The following FGD3 variants were observed in gnomAD, a reference collection of about 807,000 sequenced individuals.
The protein encoded by FGD3 is FYVE, RhoGEF and PH domain containing 3, also known as FYVE, RhoGEF and PH domain-containing protein 3.
A neutral mutation model predicts 71.8 loss-of-function variants in FGD3; 45 were observed. The observed-to-expected ratio is 0.63, with a 90% CI of 0.49 to 0.80. The LOEUF is 0.80. FGD3 is among the 30% of genes least tolerant of loss of function. The pLI is 0.00. For synonymous variants in FGD3, 378 were observed against 392.8 expected (o/e 0.96, Z 0.44); for missense variants, 844 against 951.5 (o/e 0.89, Z 1.49).
chr9:93,024,401 C>T (rs1284080125), intron 14 of FGD3, among the ~76,000 whole-genome samples: 1 of 152,228 alleles, frequency 6.6e-6, no homozygotes, highest in Non-Finnish European at 1.5e-5. Flanking sequence ...ATGGTGATGC[C>T]CTGGCACAGA....
chr9:92,981,083 T>C (rs1449384526), intron 3 of FGD3, among the ~76,000 whole-genome samples: 1 of 151,590 alleles, frequency 6.6e-6, no homozygotes, highest in African/African-American at 2.4e-5. Context: ...AAAAAGATGG[T>C]TTGGGCCAGG....
intron 1 of FGD3, among the ~76,000 whole-genome samples, chr9:92,958,067 C>T (rs186109249): frequency 0.016 from 2,435 of 151,194 alleles, 59 homozygotes; most frequent in African/African-American, 0.054. Context: ...GGCATGATCT[C>T]GGCTCACTGC....
intron 3 of FGD3, among the ~76,000 whole-genome samples, chr9:93,002,240 C>A (rs1425069069): frequency 1.3e-5 from 2 of 152,172 alleles, no homozygotes; most frequent in Non-Finnish European, 2.9e-5. Context: ...TGCTGCTTTG[C>A]ATTTGGGGTC....
chr9:92,952,095 C>T (rs180726863), intron 1 of FGD3, among the ~76,000 whole-genome samples: 1 of 152,188 alleles, frequency 6.6e-6, no homozygotes, highest in East Asian at 1.9e-4. Flanking sequence ...CCATTAGAGA[C>T]CACACTTGAC....
chr9:93,025,500 C>T (rs1862083586), intron 14 of FGD3, among the ~76,000 whole-genome samples: 2 of 151,536 alleles, frequency 1.3e-5, no homozygotes, highest in Non-Finnish European at 2.9e-5. Context: ...TGGAGGTGAG[C>T]TCAGTGTGCG....
chr9:93,025,896 C>T (rs74338905), intron 14 of FGD3, among the ~76,000 whole-genome samples: 3,770 of 152,314 alleles, frequency 0.025, 146 homozygotes, highest in African/African-American at 0.084. Context: ...GACGAGGCCA[C>T]GCCCTGTGTC....
intron 1 of FGD3, among the ~76,000 whole-genome samples, chr9:92,963,356 G>A (rs1859209682): frequency 6.6e-6 from 1 of 152,186 alleles, no homozygotes; most frequent in Non-Finnish European, 1.5e-5. Flanking sequence ...CTGGAGTGCA[G>A]TGGCGCAATC....
At chr9:92,949,908 A>C (rs535210968) in intron 1 of FGD3, among the ~76,000 whole-genome samples, 1 of 152,072 alleles carries the variant, frequency 6.6e-6, no homozygotes, top group East Asian at 1.9e-4. Context: ...TAACCAACCA[A>C]CTAACCAACA....
intron 1 of FGD3, among the ~76,000 whole-genome samples, chr9:92,971,571 T>C (rs866791492): frequency 9.3e-5 from 11 of 117,690 alleles, no homozygotes; most frequent in Non-Finnish European, 1.2e-4. Flanking sequence ...CTTTTCTTTT[T>C]TTTTTTTTTT....
chr9:92,977,450 GTCAGGCTTGCTGGC>G (rs1328576378), intron 3 of FGD3, among the ~76,000 whole-genome samples: 2 of 152,122 alleles, frequency 1.3e-5, no homozygotes, highest in African/African-American at 4.8e-5. Context: ...CGCTTTGCGG[GTCAGGCTTGCTGGC>G]TCCTAGGTGG....
Position 93,030,005 on chromosome 9 carries a change from C to G in FGD3, c.1680+9C>G. On this transcript the variant is annotated intron_variant, in intron 15 of 17. Transcript: ENST00000375482. ...GCAAGCTGTGTGGGGCGGTGAGTCC[C>G]GGGAGAGGGGGACAGGGACAGGAGG... 2 of 1,610,404 alleles carry G rather than the reference C, an allele frequency of 1.2e-6. No individual in the cohort carries two copies. The highest frequency in any genetic ancestry group is 1.7e-6 in the Non-Finnish European group (2 of 1,178,182).
rs1390487912 is a variant in FGD3 at position 93,034,524 on chromosome 9, T to C, written c.1786-17T>C. 5 of 1,603,172 alleles carry C rather than the reference T, an allele frequency of 3.1e-6. No individual in the cohort carries two copies. Among genetic ancestry groups the C allele is most frequent in the Non-Finnish European group, 4.3e-6 (5 of 1,173,494 alleles). ...TGCAGGGGAGACTGCCCCTAACCTGTGTCTTTGTGTCCCCAGAAGACACCC... is the reference window on the plus strand; with the variant it reads ...TGCAGGGGAGACTGCCCCTAACCTGCGTCTTTGTGTCCCCAGAAGACACCC... On this transcript the variant is annotated splice_polypyrimidine_tract_variant and intron_variant, in intron 16 of 17. Coordinates refer to ENST00000375482, the MANE Select transcript of FGD3 (RefSeq NM_001083536.2).
At chr9:92,993,174 G>A (rs1860488725) in intron 3 of FGD3, among the ~76,000 whole-genome samples, 1 of 152,082 alleles carries the variant, frequency 6.6e-6, no homozygotes, top group Admixed American at 6.5e-5. Context: ...TCACTATGTT[G>A]CCCAGGATAG....
At chr9:93,012,648 GGT>G (rs1861460888) in intron 8 of FGD3, among the ~76,000 whole-genome samples, 2 of 148,430 alleles carry the variant, frequency 1.3e-5, no homozygotes, top group Admixed American at 1.3e-4. Context: ...AGCCAGGTGT[GGT>G]GGCTCACACC....
Position 92,976,293 on chromosome 9 carries a change from C to G in FGD3, c.37C>G (p.Pro13Ala). ...CAGGGGGTCCTCAACCCCTCCAGGACCCATTGCTGCCCTAGGGATGCCAGA... is the reference window on the plus strand; with the variant it reads ...CAGGGGGTCCTCAACCCCTCCAGGAGCCATTGCTGCCCTAGGGATGCCAGA... ...SGRGSSTPPG[P>A]IAALGMPDTG... Residue 13 changes from proline to alanine, a missense_variant, in exon 3 of 18, where the codon CCC (proline) becomes GCC (alanine). Physicochemically the swap from Pro to Ala is conservative, Grantham distance 27. Coordinates refer to ENST00000375482, the MANE Select transcript of FGD3 (RefSeq NM_001083536.2). 1 of 1,608,426 alleles carries G rather than the reference C, an allele frequency of 6.2e-7. No individual in the cohort carries two copies. Among genetic ancestry groups the G allele is most frequent in the South Asian group, 1.1e-5 (1 of 90,616 alleles).
At chr9:92,985,413 T>G (rs919113336) in intron 3 of FGD3, among the ~76,000 whole-genome samples, 1 of 152,232 alleles carries the variant, frequency 6.6e-6, no homozygotes, top group African/African-American at 2.4e-5. Flanking sequence ...TGTTATTTCT[T>G]CCCAGTTAAT....
chr9:93,018,008 C>A lies in FGD3; in HGVS notation c.1276-128C>A, dbSNP rs1264915478. 6 of 850,542 alleles carry A rather than the reference C, an allele frequency of 7.1e-6. No individual in the cohort carries two copies. The African/African-American group carries it at 1.0e-4, about 14-fold the overall frequency. The allele number at this position is 850,542 out of a possible 1,614,324, so 52.7% of individuals were successfully genotyped here. ...CTAAGCCTCTGCACCCCTCTCCCTGCAGAACTGTGGGGCTGCAGGCTCACC... is the reference window on the plus strand; with the variant it reads ...CTAAGCCTCTGCACCCCTCTCCCTGAAGAACTGTGGGGCTGCAGGCTCACC... On this transcript the variant is annotated intron_variant, in intron 10 of 17. Transcript: ENST00000375482.
intron 1 of FGD3, among the ~76,000 whole-genome samples, chr9:92,960,871 A>T (rs1434404501): frequency 6.6e-6 from 1 of 151,286 alleles, no homozygotes; most frequent in African/African-American, 2.4e-5. Context: ...CCAGTGGGTG[A>T]TCCCCCCGGG....
At chr9:93,029,189 T>G (rs1188367160) in intron 14 of FGD3, among the ~76,000 whole-genome samples, 1 of 151,694 alleles carries the variant, frequency 6.6e-6, no homozygotes, top group Non-Finnish European at 1.5e-5. Flanking sequence ...CCACTACCAC[T>G]ACCATGCCCG....
Sources: gnomAD v4.1 joint callset for allele counts (sites outside exome capture counted in the v4.1 genomes callset) on GRCh38, gnomAD v4.1.1 for gene constraint, MANE v1.5 for transcripts, NCBI Gene and HGNC (gene_info 2026-07-23, HGNC 2026-07-21) for gene names.